The following RABGAP1L variants were observed in gnomAD, a reference collection of about 807,000 sequenced individuals.
The protein encoded by RABGAP1L is rab GTPase-activating protein 1-like.
A neutral mutation model predicts 137.7 loss-of-function variants in RABGAP1L; 63 were observed. The observed-to-expected ratio is 0.46, with a 90% confidence interval of 0.37 to 0.56. The LOEUF (loss-of-function observed/expected upper bound fraction) is 0.56. Ranked by LOEUF, RABGAP1L falls within the 20% of genes least tolerant of loss-of-function variation. The probability of loss-of-function intolerance (pLI) is 0.00; values close to 1 mark genes in which losing one functional copy is unlikely to be tolerated. For missense variants in RABGAP1L, 1,095 were observed against 1,244.0 expected, an observed-to-expected ratio of 0.88 and a Z score of 1.80; for synonymous variants, 431 against 433.7, an observed-to-expected ratio of 0.99 and a Z score of 0.08.
chr1:174,364,662 A>C (rs879415711), intron 11 of RABGAP1L, among the ~76,000 whole-genome samples: 1 of 152,160 alleles, frequency 6.6e-6, no homozygotes, highest in Admixed American at 6.5e-5. Flanking sequence ...GTAGCCACAA[A>C]TGATCCTTTG....
At chr1:174,873,229 C>T (rs555696070) in intron 19 of RABGAP1L, among the ~76,000 whole-genome samples, 47 of 151,986 alleles carry the variant, frequency 3.1e-4, no homozygotes, top group South Asian at 1.2e-3. Flanking sequence ...CCACCATGCC[C>T]GGCTAATTTT....
In RABGAP1L at chr1:174,647,310, C is replaced by G. The variant is rs1043277630; in HGVS notation, c.1824+9822C>G. Among the ~76,000 whole-genome samples the G allele has an allele frequency of 4.6e-5, 7 of 152,162 alleles. No individual in the cohort carries two copies. In the East Asian group the frequency reaches 9.7e-4, roughly 21 times the overall value. On this transcript the variant is annotated intron_variant, in intron 14 of 25. Coordinates refer to ENST00000681986, the MANE Select transcript of RABGAP1L (RefSeq NM_001366446.1). The stretch of plus-strand genomic sequence containing the variant: ...CGGTTTTCAAAGGGAGTGCTTCCAG[C>G]TTTTGCCCATTCAGTATGATATTGG...
chr1:174,527,046 A>T (rs941958470), intron 13 of RABGAP1L, among the ~76,000 whole-genome samples: 13 of 152,064 alleles, frequency 8.5e-5, no homozygotes, highest in African/African-American at 2.9e-4. Flanking sequence ...TTCTTGCAAG[A>T]AATATTTGTA....
chr1:174,921,785 G>GTT lies in RABGAP1L; in HGVS notation c.2341-35671_2341-35670dup, dbSNP rs892305067. ...GTCATGTTTGAATTTTTTGTCTTGTGTTATATATATAAATCTTGCCTCCCT... is the reference window on the plus strand; with the variant it reads ...GTCATGTTTGAATTTTTTGTCTTGTGTTTTATATATATAAATCTTGCCTCCCT... On this transcript the variant is annotated intron_variant, in intron 19 of 25. Coordinates refer to ENST00000681986, the MANE Select transcript of RABGAP1L (RefSeq NM_001366446.1). 3.3e-4 allele frequency among the ~76,000 whole-genome samples: 50 copies of GTT among 152,098 alleles called. 1 individual carries two copies. Among genetic ancestry groups the GTT allele is most frequent in the Non-Finnish European group, 1.0e-4 (7 of 68,010 alleles).
At position 174,470,141 on chromosome 1, in the gene RABGAP1L, A is replaced by C. The variant is rs575562051; in HGVS notation, c.1710+75996A>C. 2.0e-5 allele frequency among the ~76,000 whole-genome samples: 3 copies of C among 152,218 alleles called. No individual in the cohort carries two copies. In the South Asian group the frequency reaches 6.2e-4, roughly 32 times the overall value. On this transcript the variant is annotated intron_variant, in intron 13 of 25. Coordinates refer to ENST00000681986, the MANE Select transcript of RABGAP1L (RefSeq NM_001366446.1). Reference sequence around the variant, plus strand: ...TACTACTGCATTTTGCAGGGTTCCAAATGCATCTCCCCATCTCGCAGAATA... The same window carrying C: ...TACTACTGCATTTTGCAGGGTTCCACATGCATCTCCCCATCTCGCAGAATA...
intron 11 of RABGAP1L, among the ~76,000 whole-genome samples, chr1:174,360,518 A>G (rs1223098712): frequency 1.3e-5 from 2 of 152,290 alleles, no homozygotes; most frequent in East Asian, 3.9e-4. Context: ...GTCAACACTA[A>G]TAATATGCTC....
At chr1:174,568,636 C>T (rs1466679689) in intron 13 of RABGAP1L, among the ~76,000 whole-genome samples, 2 of 152,010 alleles carry the variant, frequency 1.3e-5, no homozygotes, top group Non-Finnish European at 2.9e-5. Flanking sequence ...TAGGAGTGTG[C>T]ACTTGAATTT....
intron 12 of RABGAP1L, among the ~76,000 whole-genome samples, chr1:174,392,492 C>G (rs184920054): frequency 1.3e-5 from 2 of 152,308 alleles, no homozygotes; most frequent in African/African-American, 4.8e-5. Context: ...TCAAGCCCAT[C>G]AGTATTATCA....
intron 4 of RABGAP1L, chr1:174,239,078 T>C: frequency 6.5e-6 from 1 of 154,694 alleles, no homozygotes; most frequent in Non-Finnish European, 1.4e-5. Flanking sequence ...GGGAACTCCC[T>C]GCCCCCTTGC....
chr1:174,785,995 G>C (rs185885611), intron 18 of RABGAP1L, among the ~76,000 whole-genome samples: 2 of 152,284 alleles, frequency 1.3e-5, no homozygotes, highest in Non-Finnish European at 2.9e-5. Context: ...ATGGAAATTT[G>C]AACTCAGTTA....
intron 13 of RABGAP1L, among the ~76,000 whole-genome samples, chr1:174,480,597 A>G (rs1010030617): frequency 6.6e-6 from 1 of 152,152 alleles, no homozygotes; most frequent in African/African-American, 2.4e-5. Flanking sequence ...TTTTGTTCCA[A>G]CCCCTATGCT....
intron 13 of RABGAP1L, among the ~76,000 whole-genome samples, chr1:174,539,283 T>C (rs1665158822): frequency 6.6e-6 from 1 of 152,076 alleles, no homozygotes; most frequent in South Asian, 2.1e-4. Context: ...TTTCTTTTTT[T>C]TCTTTTTTTT....
At chr1:174,793,113 CAA>C in intron 18 of RABGAP1L, among the ~76,000 whole-genome samples, 1 of 151,486 alleles carries the variant, frequency 6.6e-6, no homozygotes, top group Non-Finnish European at 1.5e-5. Flanking sequence ...GCCTGGTTAA[CAA>C]GAGCGAAACT....
chr1:174,964,775 T>A, intron 20 of RABGAP1L: 1 of 1,352,042 alleles, frequency 7.4e-7, no homozygotes, highest in Non-Finnish European at 9.6e-7. Flanking sequence ...CTCAAGTATC[T>A]TTGTTCCATT....
At chr1:174,427,205 A>G (rs1322225507) in intron 13 of RABGAP1L, among the ~76,000 whole-genome samples, 2 of 148,448 alleles carry the variant, frequency 1.3e-5, no homozygotes. Flanking sequence ...TTATTTCTGA[A>G]GTCTGTAGTT....
intron 11 of RABGAP1L, among the ~76,000 whole-genome samples, chr1:174,329,056 GA>G (rs1416245892): frequency 6.7e-6 from 1 of 148,496 alleles, no homozygotes; most frequent in African/African-American, 2.5e-5. Context: ...AAAAACCCAG[GA>G]AACAAAAGTT....
At chr1:174,394,440 C>T (rs2205937) in intron 13 of RABGAP1L, among the ~76,000 whole-genome samples, 53,578 of 152,028 alleles carry the variant, frequency 0.35, 12,097 homozygotes, top group African/African-American at 0.64. Flanking sequence ...TTTCAATTAA[C>T]CTTTTTTAAT....
intron 10 of RABGAP1L, among the ~76,000 whole-genome samples, chr1:174,280,945 C>T (rs1031596071): frequency 6.6e-6 from 1 of 152,124 alleles, no homozygotes; most frequent in Middle Eastern, 3.4e-3. Flanking sequence ...GGTTAATGGT[C>T]TCACTGACTT....
rs532587198 is a variant in RABGAP1L at position 174,244,188 on chromosome 1, G to T, written c.717+2531G>T. The stretch of plus-strand genomic sequence containing the variant: ...TTAGTATTTGAGTGCCTCTTGATGG[G>T]CACAAACAGTTGGCAGATAGTTCAG... On this transcript the variant is annotated intron_variant, in intron 5 of 25. Transcript: ENST00000681986. The T allele has an allele frequency of 2.0e-5, 3 of 152,316 alleles. No homozygotes were observed. In the South Asian group the frequency reaches 6.2e-4, roughly 32 times the overall value. 9.4% of individuals were successfully genotyped at this position (152,316 alleles called of 1,614,324 possible). A position where few individuals can be genotyped will look rare whatever the true frequency, so the allele number is the denominator to read the frequency against.
Sources: gnomAD v4.1 joint callset for allele counts (sites outside exome capture counted in the v4.1 genomes callset) on GRCh38, gnomAD v4.1.1 for gene constraint, MANE v1.5 for transcripts, NCBI Gene and HGNC (gene_info 2026-07-23, HGNC 2026-07-21) for gene names.